Variants in TSHZ2 observed in about 807,000 individuals in gnomAD.
The protein encoded by TSHZ2 is teashirt homolog 2.
In TSHZ2, 21 loss-of-function variants were observed where a neutral mutation model predicts 74.4. The ratio of observed to expected loss-of-function variants is 0.28; its 90% confidence interval spans 0.20 to 0.41. The LOEUF is 0.41. Among genes scored for constraint, TSHZ2 ranks in the 10% least tolerant of loss-of-function variants. TSHZ2 has a pLI of 1.00. For missense variants in TSHZ2, 1,244 were observed against 1,293.5 expected (o/e 0.96, Z 0.59); for synonymous variants, 540 against 515.3 (o/e 1.05, Z -0.65).
chr20:53,065,560 T>G (rs957507246), intron 1 of TSHZ2, among the ~76,000 whole-genome samples: 3 of 152,202 alleles, frequency 2.0e-5, no homozygotes, highest in Admixed American at 2.0e-4. Context: ...TGTGGCTGAA[T>G]AGCAACACAG....
intron 2 of TSHZ2, among the ~76,000 whole-genome samples, chr20:53,375,382 C>T (rs1031395325): frequency 6.6e-6 from 1 of 152,110 alleles, no homozygotes; most frequent in African/African-American, 2.4e-5. Context: ...GGCGACAAAC[C>T]AGCATAAATG....
At chr20:53,212,905 T>C (rs2123616225) in intron 1 of TSHZ2, among the ~76,000 whole-genome samples, 2 of 152,236 alleles carry the variant, frequency 1.3e-5, no homozygotes, top group African/African-American at 4.8e-5. Flanking sequence ...CAAAAAAGCT[T>C]TGGGGCTTGC....
intron 2 of TSHZ2, among the ~76,000 whole-genome samples, chr20:53,454,276 T>G (rs918027643): frequency 2.0e-5 from 3 of 152,108 alleles, no homozygotes; most frequent in Admixed American, 1.3e-4. Context: ...TTAAAATGTC[T>G]TTAAAGGCCA....
chr20:53,209,215 G>A (rs1600742672), intron 1 of TSHZ2, among the ~76,000 whole-genome samples: 1 of 152,096 alleles, frequency 6.6e-6, no homozygotes, highest in East Asian at 1.9e-4. Flanking sequence ...AGCCTCCTGA[G>A]TAGCTGGGAT....
intron 2 of TSHZ2, among the ~76,000 whole-genome samples, chr20:53,478,785 T>G (rs1986064843): frequency 1.3e-5 from 2 of 152,064 alleles, no homozygotes; most frequent in African/African-American, 4.8e-5. Flanking sequence ...GACAAGCATT[T>G]TATAACTTCC....
intron 1 of TSHZ2, among the ~76,000 whole-genome samples, chr20:53,228,103 AACACACACACACACACACAC>A (rs10561638): frequency 2.3e-3 from 312 of 134,542 alleles, no homozygotes; most frequent in Non-Finnish European, 3.8e-3. Context: ...TGGCCCCCAA[AACACACACACACACACACAC>A]ACACACACAC....
At chr20:53,348,984 C>T (rs769219022) in intron 2 of TSHZ2, among the ~76,000 whole-genome samples, 15 of 152,194 alleles carry the variant, frequency 9.9e-5, no homozygotes, top group South Asian at 2.1e-4. Flanking sequence ...CAGTTTAACT[C>T]GGCAAAATGA....
intron 1 of TSHZ2, among the ~76,000 whole-genome samples, chr20:53,001,228 G>GTGTGTA (rs1555813618): frequency 1.7e-4 from 24 of 143,484 alleles, no homozygotes; most frequent in African/African-American, 6.5e-4. Flanking sequence ...GTGTGTGTGT[G>GTGTGTA]TGTGTGTGTG....
At chr20:53,125,867 A>G (rs535161326) in intron 1 of TSHZ2, among the ~76,000 whole-genome samples, 2 of 152,378 alleles carry the variant, frequency 1.3e-5, no homozygotes, top group South Asian at 4.1e-4. Flanking sequence ...TGATATTTCA[A>G]TATCTCTGCA....
chr20:53,294,290 C>T lies in TSHZ2; in HGVS notation c.*8+37719C>T, dbSNP rs567405818. On this transcript the variant is annotated intron_variant, in intron 2 of 2. Transcript: ENST00000371497. The stretch of plus-strand genomic sequence containing the variant: ...GTGCCGAACCTAGCACTGTGGTAGA[C>T]GTTTGCTAAATGGCTTGATTTACTA... Among the ~76,000 whole-genome samples, 13 of 152,244 alleles carry T rather than the reference C, an allele frequency of 8.5e-5. No homozygotes were observed. In the South Asian group the frequency reaches 1.5e-3, roughly 17 times the overall value.
At chr20:53,278,628 T>G (rs1327669527) in intron 2 of TSHZ2, among the ~76,000 whole-genome samples, 1 of 152,254 alleles carries the variant, frequency 6.6e-6, no homozygotes, top group Non-Finnish European at 1.5e-5. Context: ...GAGTGCTTAT[T>G]CTGCCTCAGG....
At chr20:53,014,002 A>G (rs1982944577) in intron 1 of TSHZ2, among the ~76,000 whole-genome samples, 2 of 152,324 alleles carry the variant, frequency 1.3e-5, no homozygotes, top group African/African-American at 2.4e-5. Flanking sequence ...AAGTGAAATG[A>G]GCAGTGAGTG....
chr20:53,415,385 C>T (rs182968232), intron 2 of TSHZ2, among the ~76,000 whole-genome samples: 92 of 152,264 alleles, frequency 6.0e-4, no homozygotes, highest in African/African-American at 2.2e-3. Flanking sequence ...TAGCTCCTAT[C>T]GCTCTGCTCT....
intron 2 of TSHZ2, among the ~76,000 whole-genome samples, chr20:53,476,466 G>A (rs1312214330): frequency 1.9e-4 from 29 of 151,978 alleles, no homozygotes; most frequent in East Asian, 1.4e-3. Context: ...ACAACACTTC[G>A]TGCTAAAAAC....
At chr20:53,462,502 C>T (rs1385569341) in intron 2 of TSHZ2, among the ~76,000 whole-genome samples, 1 of 152,198 alleles carries the variant, frequency 6.6e-6, no homozygotes, top group African/African-American at 2.4e-5. Flanking sequence ...TTTACCTTCC[C>T]TACTGCCACC....
At chr20:53,190,914 G>A (rs775581163) in intron 1 of TSHZ2, among the ~76,000 whole-genome samples, 1 of 152,164 alleles carries the variant, frequency 6.6e-6, no homozygotes, top group African/African-American at 2.4e-5. Context: ...GGGGGTCCCA[G>A]GGTACATTTT....
chr20:53,386,105 T>C (rs1982035770), intron 2 of TSHZ2, among the ~76,000 whole-genome samples: 1 of 152,212 alleles, frequency 6.6e-6, no homozygotes, highest in Admixed American at 6.5e-5. Flanking sequence ...TAGACAGAAC[T>C]CACCCCTCAC....
intron 2 of TSHZ2, chr20:53,397,570 A>G (rs931997823): frequency 6.6e-6 from 1 of 152,194 alleles, no homozygotes; most frequent in African/African-American, 2.4e-5. Context: ...CAGTGTGGCA[A>G]TTCCTCAAGG....
At chr20:53,092,274 A>C (rs998151281) in intron 1 of TSHZ2, among the ~76,000 whole-genome samples, 1 of 152,112 alleles carries the variant, frequency 6.6e-6, no homozygotes, top group African/African-American at 2.4e-5. Context: ...CTGTGTTGTC[A>C]CATCCCTTTT....
Sources: gnomAD v4.1 joint callset for allele counts (sites outside exome capture counted in the v4.1 genomes callset) on GRCh38, gnomAD v4.1.1 for gene constraint, MANE v1.5 for transcripts, NCBI Gene and HGNC (gene_info 2026-07-23, HGNC 2026-07-21) for gene names.